TGFBR3: variants seen among roughly 807,000 people sequenced by gnomAD.
TGFBR3 encodes transforming growth factor beta receptor type 3.
A neutral mutation model predicts 87.9 loss-of-function variants in TGFBR3; 46 were observed. The observed-to-expected ratio is 0.52, with a 90% CI of 0.41 to 0.67. The LOEUF is 0.67. Among genes scored for constraint, TGFBR3 ranks in the 30% least tolerant of loss-of-function variants. The pLI is 0.00. For synonymous variants in TGFBR3, 381 were observed against 391.6 expected, an observed-to-expected ratio of 0.97 and a Z score of 0.32; for missense variants, 866 against 1,041.9, an observed-to-expected ratio of 0.83 and a Z score of 2.32.
chr1:91,843,650 C>G (rs1677372994), intron 2 of TGFBR3, among the ~76,000 whole-genome samples: 1 of 152,148 alleles, frequency 6.6e-6, no homozygotes, highest in Admixed American at 6.5e-5. Context: ...AAGAACACAA[C>G]TGAGACAGGA....
At chr1:91,759,168 C>A (rs1324345095) in intron 3 of TGFBR3, among the ~76,000 whole-genome samples, 1 of 152,056 alleles carries the variant, frequency 6.6e-6, no homozygotes, top group Admixed American at 6.5e-5. Context: ...CTCTGGATCT[C>A]CAGAGAAATG....
chr1:91,832,823 C>T (rs1472350087), intron 2 of TGFBR3, among the ~76,000 whole-genome samples: 3 of 150,694 alleles, frequency 2.0e-5, no homozygotes, highest in Non-Finnish European at 3.0e-5. Context: ...GCCAACATGG[C>T]GAAACCCTGT....
At chr1:91,888,924 G>A (rs190170362), upstream of TGFBR3, among the ~76,000 whole-genome samples, 3 of 151,962 alleles carry the variant, frequency 2.0e-5, no homozygotes, top group Admixed American at 1.3e-4. Context: ...CTCTGCTGCC[G>A]AGGCTGGAGT....
At chr1:91,787,943 G>GAAA (rs111981257) in intron 3 of TGFBR3, among the ~76,000 whole-genome samples, 1 of 133,310 alleles carries the variant, frequency 7.5e-6, no homozygotes, top group African/African-American at 3.1e-5. Context: ...GTCTCACGGG[G>GAAA]AAAAAAAAAA....
Position 91,772,943 on chromosome 1 carries a change from T to C in TGFBR3, c.247-14193A>G, listed in dbSNP as rs116485477. On this transcript the variant is annotated intron_variant, in intron 3 of 16. Transcript: ENST00000212355. ...ATAGGATTGTCTGATTTCTAGAAAA[T>C]AATCATTTGTTGTTTGCCCTCAAGG... is the stretch of plus-strand genomic sequence containing the variant. 6.2e-3 allele frequency among the ~76,000 whole-genome samples: 951 copies of C among 152,314 alleles called. 4 individuals are homozygous for C. The highest frequency in any genetic ancestry group is 0.011 in the Non-Finnish European group (746 of 68,018).
intron 3 of TGFBR3, among the ~76,000 whole-genome samples, chr1:91,774,382 C>G (rs1445833246): frequency 6.6e-6 from 1 of 152,114 alleles, no homozygotes; most frequent in African/African-American, 2.4e-5. Flanking sequence ...GTGATCCACC[C>G]ACCTCGGCCT....
At chr1:91,821,810 A>G (rs986406955) in intron 2 of TGFBR3, among the ~76,000 whole-genome samples, 18 of 152,250 alleles carry the variant, frequency 1.2e-4, no homozygotes, top group African/African-American at 4.1e-4. Flanking sequence ...AGACATCTAC[A>G]CTTTGTGAGG....
chr1:91,903,533 A>G (rs1351995536), intron 1 of TGFBR3, among the ~76,000 whole-genome samples: 2 of 151,730 alleles, frequency 1.3e-5, no homozygotes, highest in African/African-American at 4.8e-5. Context: ...GCTTGAGCCC[A>G]GAAGTTCAAG....
chr1:91,727,598 G>A (rs1005656233), intron 7 of TGFBR3, 61 bp downstream of exon 7: 13 of 1,599,494 alleles, frequency 8.1e-6, no homozygotes, highest in Middle Eastern at 1.7e-4. Flanking sequence ...CACTTATAAA[G>A]TACAGCTTAA....
At chr1:91,831,358 G>A (rs1676852120) in intron 2 of TGFBR3, among the ~76,000 whole-genome samples, 1 of 152,186 alleles carries the variant, frequency 6.6e-6, no homozygotes, top group African/African-American at 2.4e-5. Flanking sequence ...TCATTCCCAT[G>A]TTAACATGGA....
rs758894556 is a variant in TGFBR3, at chr1:91,771,705, C to CAAAA, written c.247-12959_247-12956dup. Reference sequence around the variant, plus strand: ...TGGGTGACAGAGCAAGACTCTGTCTCAAAAAAAAAAAAAAAAAAGGTAAAT... The same window carrying CAAAA: ...TGGGTGACAGAGCAAGACTCTGTCTCAAAAAAAAAAAAAAAAAAAAAAGGTAAAT... On this transcript the variant is annotated intron_variant, in intron 3 of 16. Coordinates refer to ENST00000212355, the MANE Select transcript of TGFBR3 (RefSeq NM_003243.5). Among the ~76,000 whole-genome samples the CAAAA allele has an allele frequency of 1.1e-3, 93 of 83,034 alleles. 4 individuals are homozygous for CAAAA. The highest frequency in any genetic ancestry group is 3.8e-3 in the South Asian group (8 of 2,108). 54.5% of individuals were successfully genotyped at this position (83,034 alleles called of 152,430 possible). A position where few individuals can be genotyped will look rare whatever the true frequency, so the allele number is the denominator to read the frequency against.
At chr1:91,785,186 G>A (rs1674911357) in intron 3 of TGFBR3, among the ~76,000 whole-genome samples, 1 of 152,254 alleles carries the variant, frequency 6.6e-6, no homozygotes, top group South Asian at 2.1e-4. Flanking sequence ...CAACATCGAG[G>A]AACCTCAAGT....
intron 5 of TGFBR3, among the ~76,000 whole-genome samples, chr1:91,734,554 G>A (rs2306886): frequency 0.43 from 65,593 of 151,922 alleles, 14,401 homozygotes; most frequent in East Asian, 0.5. Context: ...GCTCCTCCCT[G>A]TGTTTCACTT....
chr1:91,804,658 T>C (rs527681619), intron 2 of TGFBR3, among the ~76,000 whole-genome samples: 3 of 152,138 alleles, frequency 2.0e-5, no homozygotes, highest in South Asian at 4.2e-4. Context: ...GGGGCCCGAG[T>C]ATAGCACCTC....
intron 5 of TGFBR3, 33 bp from the exon 6 acceptor site, chr1:91,730,006 C>G (rs1235466431): frequency 6.2e-7 from 1 of 1,613,332 alleles, no homozygotes; most frequent in Admixed American, 1.7e-5. Flanking sequence ...TGTCAAACCA[C>G]TGAGGTACTC....
intron 1 of TGFBR3, among the ~76,000 whole-genome samples, chr1:91,871,404 G>A (rs1678578034): frequency 6.6e-6 from 1 of 152,120 alleles, no homozygotes. Context: ...CCTGTCCTGG[G>A]CACTGTTCAG....
chr1:91,702,038 A>G (rs1389820627), intron 14 of TGFBR3, among the ~76,000 whole-genome samples: 1 of 152,136 alleles, frequency 6.6e-6, no homozygotes, highest in African/African-American at 2.4e-5. Context: ...AGACATTTTG[A>G]ATGGTTACAA....
rs150018254 is a variant in TGFBR3 at position 91,848,096 on chromosome 1, A to T, written c.61+13375T>A. 1.4e-3 allele frequency among the ~76,000 whole-genome samples: 208 copies of T among 152,300 alleles called. 2 individuals carry two copies. Among genetic ancestry groups the T allele is most frequent in the African/African-American group, 4.7e-3 (194 of 41,570 alleles). On this transcript the variant is annotated intron_variant, in intron 2 of 16. Transcript: ENST00000212355. ...CTCAAACCAACTTCCTCTCCAGCAC[A>T]TGGATCCCTCTGACCCAAACAAGTT...
intron 3 of TGFBR3, among the ~76,000 whole-genome samples, chr1:91,774,144 TTTTC>T (rs903784045): frequency 7.4e-6 from 1 of 135,242 alleles, no homozygotes; most frequent in African/African-American, 2.8e-5. Flanking sequence ...TTAGATATAC[TTTTC>T]TTTTTTTTTT....
Sources: gnomAD v4.1 joint callset for allele counts (sites outside exome capture counted in the v4.1 genomes callset) on GRCh38, gnomAD v4.1.1 for gene constraint, MANE v1.5 for transcripts, NCBI Gene and HGNC (gene_info 2026-07-23, HGNC 2026-07-21) for gene names.